CPXM2: variants seen among roughly 807,000 people sequenced by gnomAD.
CPXM2 encodes inactive carboxypeptidase-like protein X2.
Under a neutral mutation model 86.1 loss-of-function variants are expected in CPXM2, and 66 were observed. That is an observed-to-expected ratio of 0.77 (90% CI 0.63 to 0.94). CPXM2 has a LOEUF of 0.94. Among genes scored for constraint, CPXM2 ranks in the 40% least tolerant of loss-of-function variants. CPXM2 has a pLI of 0.00. For synonymous variants in CPXM2, 388 were observed against 400.2 expected (o/e 0.97, Z 0.36); for missense variants, 948 against 1,026.3 (o/e 0.92, Z 1.04).
At chr10:123,870,018 A>T (rs2134211128) in intron 2 of CPXM2, among the ~76,000 whole-genome samples, 1 of 152,252 alleles carries the variant, frequency 6.6e-6, no homozygotes, top group South Asian at 2.1e-4. Context: ...GTGTCATGAA[A>T]ATTATTTTAA....
intron 4 of CPXM2, among the ~76,000 whole-genome samples, chr10:123,813,503 A>C (rs1847740306): frequency 6.6e-6 from 1 of 152,214 alleles, no homozygotes; most frequent in African/African-American, 2.4e-5. Flanking sequence ...TCCTTAAGCA[A>C]GTTATCTGGA....
In CPXM2 at chr10:123,754,776, A is replaced by C. The variant is rs1428141202; in HGVS notation, c.1918-14T>G. The C allele has an allele frequency of 6.6e-7, 1 of 1,509,482 alleles. No individual in the cohort carries two copies. The highest frequency in any genetic ancestry group is 2.3e-5 in the East Asian group (1 of 44,416). The allele number at this position is 1,509,482 out of a possible 1,614,324, so 93.5% of individuals were successfully genotyped here. A position where few individuals can be genotyped will look rare whatever the true frequency, so the allele number is the denominator to read the frequency against. On this transcript the variant is annotated splice_polypyrimidine_tract_variant and intron_variant, in intron 12 of 13. Transcript: ENST00000241305. The surrounding 1 kb of genome is among the most constrained non-coding windows in gnomAD (Gnocchi z 4.0). ...GCCACGATGAACCTGCTCAGCAAAC[A>C]TGAGACACAGGGTGAGGTCACCGAC...
intron 4 of CPXM2, among the ~76,000 whole-genome samples, chr10:123,803,106 C>T (rs1847495276): frequency 1.9e-5 from 2 of 104,338 alleles, no homozygotes; most frequent in African/African-American, 3.1e-5. Flanking sequence ...TTTTCATCCT[C>T]TTTGTAGTAC....
At chr10:123,750,915 A>G (rs2133966852) in intron 13 of CPXM2, 2 of 985,386 alleles carry the variant, frequency 2.0e-6, no homozygotes, top group Non-Finnish European at 2.4e-6. Context: ...TCTGTCTCTA[A>G]CCACTGGAAA....
chr10:123,818,552 C>T (rs1314847723), intron 4 of CPXM2, among the ~76,000 whole-genome samples: 3 of 152,186 alleles, frequency 2.0e-5, no homozygotes, highest in African/African-American at 7.2e-5. Context: ...AATGCTTCTG[C>T]CAAGACTACC....
intron 6 of CPXM2, among the ~76,000 whole-genome samples, chr10:123,785,686 A>G (rs376249305): frequency 2.7e-5 from 4 of 148,120 alleles, no homozygotes; most frequent in East Asian, 4.0e-4. Flanking sequence ...AGGCTGGAGT[A>G]CAGAGGCGCG....
intron 7 of CPXM2, 144 bp downstream of exon 7, chr10:123,780,023 T>C (rs982527746): frequency 3.3e-6 from 2 of 602,606 alleles, no homozygotes; most frequent in South Asian, 4.3e-5. Context: ...ATGACAAGCA[T>C]TTAGTGTGTC....
At chr10:123,782,391 G>C (rs1846955215) in intron 6 of CPXM2, among the ~76,000 whole-genome samples, 1 of 152,144 alleles carries the variant, frequency 6.6e-6, no homozygotes, top group Non-Finnish European at 1.5e-5. Context: ...TTCTCAAAAA[G>C]GATTGAAGAA....
At chr10:123,866,402 A>C (rs1200717261) in intron 2 of CPXM2, among the ~76,000 whole-genome samples, 4 of 17,080 alleles carry the variant, frequency 2.3e-4, no homozygotes, top group Non-Finnish European at 5.6e-4. Flanking sequence ...CATCTCTACT[A>C]AAAAATACAA....
chr10:123,903,897 C>T (rs1945407951), intron 2 of CPXM2, among the ~76,000 whole-genome samples: 1 of 152,196 alleles, frequency 6.6e-6, no homozygotes, highest in African/African-American at 2.4e-5. Flanking sequence ...CTGGGGGAAG[C>T]TCTCAGACTC....
At chr10:123,880,146 A>ACCCCCCCCCCCC in intron 2 of CPXM2, 65 bp downstream of exon 2, 1 of 240,424 alleles carries the variant, frequency 4.2e-6, no homozygotes. Context: ...AGGGGCCTGT[A>ACCCCCCCCCCCC]CCCACCCACC....
chr10:123,860,213 C>A (rs984349138), intron 3 of CPXM2, among the ~76,000 whole-genome samples: 1 of 152,190 alleles, frequency 6.6e-6, no homozygotes, highest in Non-Finnish European at 1.5e-5. Flanking sequence ...AGCCTTTCAA[C>A]AGAGGAAGGA....
chr10:123,944,006 C>T (rs760941472), upstream of CPXM2, among the ~76,000 whole-genome samples: 2 of 152,190 alleles, frequency 1.3e-5, no homozygotes, highest in Admixed American at 1.3e-4. Context: ...TGCTTCCAGC[C>T]AGGATCATCC....
intron 10 of CPXM2, among the ~76,000 whole-genome samples, chr10:123,766,731 G>A (rs766378703): frequency 3.3e-5 from 5 of 152,164 alleles, no homozygotes; most frequent in Admixed American, 1.3e-4. Flanking sequence ...GAGATTGTTT[G>A]GGTTTTGAAG....
intron 2 of CPXM2, among the ~76,000 whole-genome samples, chr10:123,872,090 T>C (rs751674326): frequency 4.6e-5 from 7 of 152,192 alleles, no homozygotes; most frequent in Non-Finnish European, 1.0e-4. Flanking sequence ...GAACTTTCAT[T>C]CACTGCTGGT....
intron 2 of CPXM2, among the ~76,000 whole-genome samples, chr10:123,935,695 G>T (rs1046634619): frequency 2.0e-5 from 3 of 152,120 alleles, no homozygotes; most frequent in African/African-American, 7.2e-5. Flanking sequence ...CAAGGATGCA[G>T]TCAGGGAGGG....
At chr10:123,881,586 G>A (rs1945093764) in intron 1 of CPXM2, among the ~76,000 whole-genome samples, 1 of 152,202 alleles carries the variant, frequency 6.6e-6, no homozygotes, top group Non-Finnish European at 1.5e-5. Context: ...TCCTGACTTG[G>A]GACAAGGAGC....
intron 10 of CPXM2, among the ~76,000 whole-genome samples, chr10:123,766,048 T>C (rs1846464516): frequency 6.6e-6 from 1 of 152,232 alleles, no homozygotes; most frequent in African/African-American, 2.4e-5. Flanking sequence ...AGAAGTAGTA[T>C]GTAGAACCGC....
At chr10:123,763,734 C>T (rs1322735620) in intron 10 of CPXM2, among the ~76,000 whole-genome samples, 1 of 151,878 alleles carries the variant, frequency 6.6e-6, no homozygotes, top group Admixed American at 6.6e-5. Context: ...TCTTAGATGA[C>T]GGGCATTGGT....
Sources: allele counts gnomAD v4.1 joint callset (sites outside exome capture counted in the v4.1 genomes callset), GRCh38; gene constraint gnomAD v4.1.1; non-coding constraint Gnocchi (gnomAD v3.1); transcripts MANE v1.5; gene names NCBI Gene and HGNC (gene_info 2026-07-23, HGNC 2026-07-21).